Variants in CRPPA observed in about 807,000 individuals in gnomAD.
The protein encoded by CRPPA is CDP-L-ribitol pyrophosphorylase A.
Under a neutral mutation model 52.0 loss-of-function variants are expected in CRPPA, and 43 were observed. The observed-to-expected ratio is 0.83, with a 90% CI of 0.65 to 1.07. CRPPA has a LOEUF of 1.07. Ranked by LOEUF, CRPPA falls within the 50% of genes least tolerant of loss-of-function variation. The probability of loss-of-function intolerance (pLI) is 0.00; values close to 1 mark genes in which losing one functional copy is unlikely to be tolerated. For missense variants in CRPPA, 629 were observed against 551.7 expected, an observed-to-expected ratio of 1.14 and a Z score of -1.40; for synonymous variants, 250 against 203.5, an observed-to-expected ratio of 1.23 and a Z score of -1.94.
chr7:16,213,887 G>C (rs1180597631), intron 9 of CRPPA, among the ~76,000 whole-genome samples: 1 of 152,076 alleles, frequency 6.6e-6, no homozygotes, highest in Non-Finnish European at 1.5e-5. Context: ...AGAGAGATAA[G>C]GCCTGGTTTA....
intron 2 of CRPPA, among the ~76,000 whole-genome samples, chr7:16,390,144 A>G (rs1053698347): frequency 3.3e-5 from 5 of 151,492 alleles, no homozygotes; most frequent in Non-Finnish European, 7.4e-5. Flanking sequence ...ACTTTTACCC[A>G]TTCCCTCTCA....
chr7:16,180,670 G>A (rs893296396), intron 9 of CRPPA, among the ~76,000 whole-genome samples: 4 of 151,930 alleles, frequency 2.6e-5, no homozygotes, highest in African/African-American at 9.7e-5. Context: ...ACTGTGAAAT[G>A]CCAATTCTCC....
intron 5 of CRPPA, among the ~76,000 whole-genome samples, chr7:16,280,009 G>T (rs374348396): frequency 6.6e-6 from 1 of 152,216 alleles, no homozygotes; most frequent in African/African-American, 2.4e-5. Flanking sequence ...GGGAAGAGAA[G>T]AGAGCTTGTG....
chr7:16,268,376 T>C (rs1784008112), intron 6 of CRPPA, among the ~76,000 whole-genome samples: 1 of 151,870 alleles, frequency 6.6e-6, no homozygotes, highest in African/African-American at 2.4e-5. Flanking sequence ...TTTTAAAGAA[T>C]ATTCAGACAC....
chr7:16,412,518 C>A (rs902159705), intron 1 of CRPPA, among the ~76,000 whole-genome samples: 1 of 152,170 alleles, frequency 6.6e-6, no homozygotes, highest in Admixed American at 6.5e-5. Flanking sequence ...GGTCAGCAAC[C>A]AAGCATACAC....
At chr7:16,235,056 T>C (rs2128404223) in intron 8 of CRPPA, among the ~76,000 whole-genome samples, 1 of 152,122 alleles carries the variant, frequency 6.6e-6, no homozygotes, top group African/African-American at 2.4e-5. Context: ...GCCAAGGCTT[T>C]ATGATCTGAG....
intron 9 of CRPPA, among the ~76,000 whole-genome samples, chr7:16,106,211 C>T (rs1335411674): frequency 6.6e-6 from 1 of 152,180 alleles, no homozygotes; most frequent in Non-Finnish European, 1.5e-5. Flanking sequence ...GGAAGTCAAA[C>T]AGCCACTCAA....
chr7:16,141,987 A>T (rs982861917), intron 9 of CRPPA, among the ~76,000 whole-genome samples: 7 of 152,072 alleles, frequency 4.6e-5, no homozygotes, highest in African/African-American at 1.7e-4. Flanking sequence ...GGGGAAGGGG[A>T]AGGAGAATCA....
chr7:16,382,328 C>T (rs572413771), intron 2 of CRPPA, among the ~76,000 whole-genome samples: 1 of 152,352 alleles, frequency 6.6e-6, no homozygotes, highest in East Asian at 1.9e-4. Context: ...CCCCCACTCT[C>T]TTCTGGCTTG....
In CRPPA at chr7:16,308,503, CA is replaced by C; in HGVS notation, c.789+19del. The C allele has an allele frequency of 7.4e-7, 1 of 1,350,270 alleles. No homozygotes were observed. Among genetic ancestry groups the C allele is most frequent in the Non-Finnish European group, 1.1e-6 (1 of 947,522 alleles). 83.6% of individuals were successfully genotyped at this position (1,350,270 alleles called of 1,614,324 possible). A position where few individuals can be genotyped will look rare whatever the true frequency, so the allele number is the denominator to read the frequency against. On this transcript the variant is annotated intron_variant, in intron 4 of 9. Coordinates refer to ENST00000407010, the MANE Select transcript of CRPPA (RefSeq NM_001101426.4). The stretch of plus-strand genomic sequence containing the variant: ...ATGAAAGCACAGAAAAGAACCCAAG[CA>C]AGGTATCATCCCTCTTACCTTCCAG...
At chr7:16,329,893 G>T (rs544943939) in intron 3 of CRPPA, among the ~76,000 whole-genome samples, 1 of 152,196 alleles carries the variant, frequency 6.6e-6, no homozygotes, top group Non-Finnish European at 1.5e-5. Flanking sequence ...CTGAAGCCCT[G>T]TGTGATTTTC....
chr7:16,242,171 G>T (rs1047709141), intron 8 of CRPPA, among the ~76,000 whole-genome samples: 2 of 151,650 alleles, frequency 1.3e-5, no homozygotes, highest in African/African-American at 4.8e-5. Flanking sequence ...AGCCAAGATG[G>T]TCTCAATCTC....
At position 16,250,375 on chromosome 7, in the gene CRPPA, AC is replaced by A. The variant is rs369277913; in HGVS notation, c.1119+8014del. Reference sequence around the variant, plus strand: ...TTCAAATTCAGGAAATACAGAGACCACCACAAACGTATTCCTCGAAAAGAGC... The same window carrying A: ...TTCAAATTCAGGAAATACAGAGACCACACAAACGTATTCCTCGAAAAGAGC... On this transcript the variant is annotated intron_variant, in intron 8 of 9. Transcript: ENST00000407010. 5.3e-4 allele frequency among the ~76,000 whole-genome samples: 81 copies of A among 152,292 alleles called. 1 individual carries two copies. In the East Asian group the frequency reaches 0.01, roughly 20 times the overall value.
chr7:16,373,183 CT>C (rs1786793618), intron 3 of CRPPA, among the ~76,000 whole-genome samples: 1 of 152,174 alleles, frequency 6.6e-6, no homozygotes, highest in East Asian at 1.9e-4. Flanking sequence ...GTAATCCCAG[CT>C]ATTTGGGAGG....
intron 9 of CRPPA, among the ~76,000 whole-genome samples, chr7:16,148,848 G>A (rs1377810380): frequency 6.6e-6 from 1 of 152,046 alleles, no homozygotes; most frequent in Non-Finnish European, 1.5e-5. Context: ...ATAGATAAAA[G>A]GCTGAGCTGA....
At chr7:16,267,078 T>C (rs6954901) in intron 6 of CRPPA, among the ~76,000 whole-genome samples, 65,192 of 151,986 alleles carry the variant, frequency 0.43, 14,469 homozygotes, top group Admixed American at 0.55. Context: ...CAAGTTAAAA[T>C]GAACAAATCC....
At chr7:16,334,826 T>C (rs1302195484) in intron 3 of CRPPA, among the ~76,000 whole-genome samples, 15 of 152,078 alleles carry the variant, frequency 9.9e-5, no homozygotes, top group Non-Finnish European at 2.9e-5. Flanking sequence ...AATTCCTAAA[T>C]ACTAAAGGTC....
chr7:16,274,725 G>A (rs1241444333), intron 6 of CRPPA, among the ~76,000 whole-genome samples: 1 of 152,002 alleles, frequency 6.6e-6, no homozygotes, highest in African/African-American at 2.4e-5. Context: ...TTCCAAATTT[G>A]CTATGTCTGT....
intron 9 of CRPPA, among the ~76,000 whole-genome samples, chr7:16,194,859 T>C (rs1399257654): frequency 6.7e-6 from 1 of 149,126 alleles, no homozygotes; most frequent in Non-Finnish European, 1.5e-5. Flanking sequence ...TTTTTTTTTT[T>C]CTCTTAACAT....
Sources: allele counts gnomAD v4.1 joint callset (sites outside exome capture counted in the v4.1 genomes callset), GRCh38; gene constraint gnomAD v4.1.1; transcripts MANE v1.5; gene names NCBI Gene and HGNC (gene_info 2026-07-23, HGNC 2026-07-21).